Variants in LRRTM4 observed in about 807,000 individuals in gnomAD.
LRRTM4 encodes the protein leucine rich repeat transmembrane neuronal 4, also known as leucine-rich repeat transmembrane neuronal protein 4.
A neutral mutation model predicts 47.6 loss-of-function variants in LRRTM4; 25 were observed. That is an observed-to-expected ratio of 0.53 (90% CI 0.38 to 0.73). LRRTM4 has a LOEUF of 0.73. Ranked by LOEUF, LRRTM4 falls within the 30% of genes least tolerant of loss-of-function variation. LRRTM4 has a pLI of 0.00. For synonymous variants in LRRTM4, 311 were observed against 269.5 expected, an observed-to-expected ratio of 1.15 and a Z score of -1.51; for missense variants, 638 against 713.4, an observed-to-expected ratio of 0.89 and a Z score of 1.20.
chr2:76,907,203 T>C (rs1190980498), intron 3 of LRRTM4, among the ~76,000 whole-genome samples: 1 of 151,756 alleles, frequency 6.6e-6, no homozygotes, highest in Non-Finnish European at 1.5e-5. Context: ...TCAAAACTGC[T>C]CAACTACATG....
chr2:76,999,751 A>G (rs567899847), intron 3 of LRRTM4, among the ~76,000 whole-genome samples: 3 of 152,252 alleles, frequency 2.0e-5, no homozygotes. Flanking sequence ...CACGGCACAC[A>G]GTTTAGAATT....
At position 77,001,843 on chromosome 2, in the gene LRRTM4, G is replaced by A. The variant is rs564527447; in HGVS notation, c.1552-252927C>T. On this transcript the variant is annotated intron_variant, in intron 3 of 3. Transcript: ENST00000409884. ...AAAGTCTTATTGCCTAAACAATAAC[G>A]GATCTGCACAATCCCTTTCTTTTCG... Among the ~76,000 whole-genome samples the A allele has an allele frequency of 1.3e-4, 20 of 152,150 alleles. No individual in the cohort carries two copies. The South Asian group carries it at 1.7e-3, about 13-fold the overall frequency.
At chr2:77,430,430 G>T (rs1675319152) in intron 3 of LRRTM4, among the ~76,000 whole-genome samples, 1 of 152,004 alleles carries the variant, frequency 6.6e-6, no homozygotes, top group African/African-American at 2.4e-5. Context: ...GAATTATCTT[G>T]ACTGGATTGG....
intron 3 of LRRTM4, among the ~76,000 whole-genome samples, chr2:76,842,570 T>G (rs116314266): frequency 0.014 from 2,196 of 152,278 alleles, 46 homozygotes; most frequent in African/African-American, 0.046. Flanking sequence ...TTAGGCAGAA[T>G]CATCTAATAG....
chr2:76,816,581 A>G (rs1437981717), intron 3 of LRRTM4, among the ~76,000 whole-genome samples: 1 of 151,416 alleles, frequency 6.6e-6, no homozygotes, highest in East Asian at 1.9e-4. Context: ...TTTTTTTGGA[A>G]TCTGTATTTT....
chr2:77,251,920 G>A (rs4459758), intron 3 of LRRTM4, among the ~76,000 whole-genome samples: 83,113 of 151,928 alleles, frequency 0.55, 23,094 homozygotes, highest in African/African-American at 0.6. Context: ...AGAATTCCCA[G>A]GATTGGATTT....
chr2:77,331,022 G>T (rs1178340329), intron 3 of LRRTM4, among the ~76,000 whole-genome samples: 1 of 152,096 alleles, frequency 6.6e-6, no homozygotes, highest in African/African-American at 2.4e-5. Context: ...CTGTGTGAAG[G>T]TGACAGCAAT....
intron 3 of LRRTM4, among the ~76,000 whole-genome samples, chr2:76,913,543 A>ATTTTTTTTTTTTTTTTTTTTTTT (rs58615415): frequency 9.1e-5 from 11 of 121,480 alleles, no homozygotes; most frequent in African/African-American, 2.3e-4. Context: ...TCCTATTTCA[A>ATTTTTTTTTTTTTTTTTTTTTTT]TTTTTTTTTT....
At chr2:76,957,988 T>A (rs1475975353) in intron 3 of LRRTM4, among the ~76,000 whole-genome samples, 2 of 151,700 alleles carry the variant, frequency 1.3e-5, no homozygotes, top group Non-Finnish European at 3.0e-5. Context: ...CTTTTATTGT[T>A]ATTTGTTCCA....
intron 3 of LRRTM4, among the ~76,000 whole-genome samples, chr2:77,279,731 C>A (rs185684422): frequency 6.6e-6 from 1 of 151,898 alleles, no homozygotes; most frequent in African/African-American, 2.4e-5. Flanking sequence ...ATGTCTGTCA[C>A]TCAACTTCAA....
intron 3 of LRRTM4, among the ~76,000 whole-genome samples, chr2:77,288,670 T>C (rs995705058): frequency 2.0e-5 from 3 of 152,112 alleles, no homozygotes; most frequent in Non-Finnish European, 2.9e-5. Context: ...CATTTGTCTG[T>C]CTTCAAATTT....
chr2:77,390,771 A>T (rs1435239749), intron 3 of LRRTM4, among the ~76,000 whole-genome samples: 1 of 151,762 alleles, frequency 6.6e-6, no homozygotes, highest in Non-Finnish European at 1.5e-5. Context: ...AAGAAAAATA[A>T]CTTATTTTCA....
intron 3 of LRRTM4, among the ~76,000 whole-genome samples, chr2:77,467,534 T>G (rs1254482579): frequency 6.6e-6 from 1 of 152,212 alleles, no homozygotes; most frequent in Non-Finnish European, 1.5e-5. Flanking sequence ...AGTGCACATG[T>G]GTACATGTAA....
At chr2:77,312,527 C>CATAA (rs1677485439) in intron 3 of LRRTM4, among the ~76,000 whole-genome samples, 1 of 152,076 alleles carries the variant, frequency 6.6e-6, no homozygotes, top group African/African-American at 2.4e-5. Context: ...TTAATTAATA[C>CATAA]ATAAATATTC....
chr2:77,333,692 G>T (rs1251292391), intron 3 of LRRTM4, among the ~76,000 whole-genome samples: 2 of 152,160 alleles, frequency 1.3e-5, no homozygotes, highest in African/African-American at 4.8e-5. Context: ...CCCTCAAGGA[G>T]AACTTCTGCT....
chr2:76,828,070 T>C (rs1172575351), intron 3 of LRRTM4, among the ~76,000 whole-genome samples: 3 of 151,964 alleles, frequency 2.0e-5, no homozygotes, highest in Non-Finnish European at 4.4e-5. Context: ...ACACTGATTA[T>C]GCATTTAATG....
chr2:77,113,281 G>A (rs553540680), intron 3 of LRRTM4, among the ~76,000 whole-genome samples: 22 of 152,116 alleles, frequency 1.4e-4, no homozygotes, highest in African/African-American at 5.1e-4. Flanking sequence ...TTTGCCAAAA[G>A]GTCCCAGTCT....
At chr2:77,498,265 T>C (rs1032960428) in intron 3 of LRRTM4, among the ~76,000 whole-genome samples, 1 of 151,760 alleles carries the variant, frequency 6.6e-6, no homozygotes, top group South Asian at 2.1e-4. Flanking sequence ...AATTCTACCA[T>C]CCGTGAAAAT....
intron 3 of LRRTM4, among the ~76,000 whole-genome samples, chr2:77,160,180 CA>C (rs77508595): frequency 0.039 from 5,978 of 152,248 alleles, 253 homozygotes; most frequent in African/African-American, 0.1. Flanking sequence ...AAGTTCTGCA[CA>C]ACATCTGGAC....
Sources: gnomAD v4.1 joint callset for allele counts (sites outside exome capture counted in the v4.1 genomes callset) on GRCh38, gnomAD v4.1.1 for gene constraint, MANE v1.5 for transcripts, NCBI Gene and HGNC (gene_info 2026-07-23, HGNC 2026-07-21) for gene names.